Variants in SLC71A2 observed in about 807,000 individuals in gnomAD.
The protein encoded by SLC71A2 is hippocampus abundant transcript-like 1.
the SLC71A2 span, chr9:94,445,038 C>T: frequency 6.2e-7 from 1 of 1,614,202 alleles, no homozygotes; most frequent in Admixed American, 1.7e-5. Flanking sequence ...GTTACGGAGA[C>T]AGCCTCGTTG....
At chr9:94,412,082 A>C in the SLC71A2 span, among the ~76,000 whole-genome samples, 2 of 152,162 alleles carry the variant, frequency 1.3e-5, no homozygotes, top group African/African-American at 4.8e-5. Flanking sequence ...TTGCTTCATC[A>C]ATAGTTTACA....
At chr9:94,452,698 TATATTCATATATATTC>T in the SLC71A2 span, among the ~76,000 whole-genome samples, 15 of 95,270 alleles carry the variant, frequency 1.6e-4, no homozygotes, top group Admixed American at 2.2e-4. Context: ...TATATATTCA[TATATTCATATATATTC>T]ATATATATAT....
the SLC71A2 span, among the ~76,000 whole-genome samples, chr9:94,425,551 G>A: frequency 3.6e-4 from 55 of 152,098 alleles, 2 homozygotes; most frequent in Admixed American, 3.6e-3. Flanking sequence ...CCTGAGTTGG[G>A]GCCACAAGAT....
the SLC71A2 span, among the ~76,000 whole-genome samples, chr9:94,381,608 A>G: frequency 1.3e-5 from 2 of 152,190 alleles, no homozygotes; most frequent in African/African-American, 4.8e-5. Flanking sequence ...ATCTTTGTAC[A>G]GAATACACTT....
chr9:94,439,182 G>T, the SLC71A2 span, among the ~76,000 whole-genome samples: 1 of 151,816 alleles, frequency 6.6e-6, no homozygotes, highest in African/African-American at 2.4e-5. Context: ...GCTAATTTTT[G>T]TATTTTTAGT....
chr9:94,424,542 C>G, the SLC71A2 span, among the ~76,000 whole-genome samples: 15 of 151,984 alleles, frequency 9.9e-5, no homozygotes, highest in South Asian at 4.2e-4. Context: ...GCCATAATAT[C>G]TTGTATAAAT....
chr9:94,457,755 C>T, the SLC71A2 span, among the ~76,000 whole-genome samples: 4 of 152,220 alleles, frequency 2.6e-5, 1 homozygote, highest in East Asian at 1.9e-4. Context: ...TTTTGGAACA[C>T]ATTGTATTAG....
chr9:94,433,103 C>G, the SLC71A2 span: 24 of 323,732 alleles, frequency 7.4e-5, no homozygotes, highest in Non-Finnish European at 1.4e-4. Flanking sequence ...CTTCCTGCAG[C>G]CCTTGAGACG....
chr9:94,460,010 T>C, the SLC71A2 span: 2 of 152,950 alleles, frequency 1.3e-5, no homozygotes, highest in East Asian at 1.9e-4. Context: ...ACTCAGCATA[T>C]ATACACTTCT....
chr9:94,386,397 C>G, the SLC71A2 span, among the ~76,000 whole-genome samples: 3 of 151,328 alleles, frequency 2.0e-5, no homozygotes, highest in African/African-American at 7.3e-5. Flanking sequence ...GTACTCAGCA[C>G]TATGTGAGTG....
chr9:94,414,419 T>C, the SLC71A2 span, among the ~76,000 whole-genome samples: 10 of 152,208 alleles, frequency 6.6e-5, no homozygotes, highest in South Asian at 1.0e-3. Context: ...TCTCAAGATA[T>C]TCCATACTGA....
the SLC71A2 span, among the ~76,000 whole-genome samples, chr9:94,417,301 C>T: frequency 6.6e-6 from 1 of 152,210 alleles, no homozygotes; most frequent in Admixed American, 6.5e-5. Flanking sequence ...CTGTGACCAC[C>T]ATCCATCTCT....
chr9:94,459,353 A>G, the SLC71A2 span: 4 of 1,614,070 alleles, frequency 2.5e-6, no homozygotes, highest in South Asian at 1.1e-5. Flanking sequence ...ACTGCAAGAC[A>G]GCAGCATCTG....
chr9:94,439,304 G>C, the SLC71A2 span, among the ~76,000 whole-genome samples: 5 of 122,188 alleles, frequency 4.1e-5, no homozygotes, highest in Non-Finnish European at 8.4e-5. Flanking sequence ...ACAGTGCGCA[G>C]CCCAATTTTT....
At chr9:94,438,576 T>G in the SLC71A2 span, 4 of 1,602,904 alleles carry the variant, frequency 2.5e-6, no homozygotes, top group Non-Finnish European at 3.4e-6. Context: ...TTGAGTCACA[T>G]GTAAATTATA....
At chr9:94,420,637 A>G in the SLC71A2 span, among the ~76,000 whole-genome samples, 1 of 149,456 alleles carries the variant, frequency 6.7e-6, no homozygotes, top group East Asian at 2.0e-4. Context: ...GTGGTGGCTC[A>G]TGCCTGTAAT....
At chr9:94,387,094 G>T in the SLC71A2 span, among the ~76,000 whole-genome samples, 1 of 151,452 alleles carries the variant, frequency 6.6e-6, no homozygotes, top group South Asian at 2.1e-4. Flanking sequence ...ATCAGCCCTG[G>T]GCCATCCTTT....
the SLC71A2 span, chr9:94,438,382 G>C: frequency 6.2e-7 from 1 of 1,614,120 alleles, no homozygotes; most frequent in Admixed American, 1.7e-5. Context: ...ACTAACCTTT[G>C]CTTTGGTTTC....
the SLC71A2 span, among the ~76,000 whole-genome samples, chr9:94,389,190 T>C: frequency 4.6e-5 from 7 of 151,558 alleles, no homozygotes; most frequent in African/African-American, 1.7e-4. Context: ...TACTTGAGAA[T>C]TTTTTCCATA....
Sources: allele counts gnomAD v4.1 joint callset (sites outside exome capture counted in the v4.1 genomes callset), GRCh38; gene constraint gnomAD v4.1.1; transcripts MANE v1.5; gene names NCBI Gene and HGNC (gene_info 2026-07-23, HGNC 2026-07-21).